TRMT2B: variants seen among roughly 807,000 people sequenced by gnomAD.
TRMT2B encodes the protein tRNA methyltransferase 2B.
Under a neutral mutation model 39.7 loss-of-function variants are expected in TRMT2B, and 34 were observed. The observed-to-expected ratio is 0.86, with a 90% CI of 0.65 to 1.14. The LOEUF is 1.14. TRMT2B is among the 50% of genes most tolerant of loss of function. The pLI is 0.00. For missense variants in TRMT2B, 318 were observed against 377.2 expected, an observed-to-expected ratio of 0.84 and a Z score of 1.30; for synonymous variants, 132 against 137.3, an observed-to-expected ratio of 0.96 and a Z score of 0.27.
At chrX:100,988,665 G>A in the TRMT2B span, 1 of 629,837 alleles carries the variant, frequency 1.6e-6, no homozygotes, top group South Asian at 3.9e-5. Flanking sequence ...TCACTCTATG[G>A]TTGGTGATTA....
the TRMT2B span, chrX:100,990,668 G>A: frequency 1.0e-6 from 1 of 984,761 alleles, no homozygotes; most frequent in Non-Finnish European, 1.4e-6. Flanking sequence ...TTACATCTTT[G>A]TACCGAGATG....
chrX:101,004,349 C>A (rs752325792), downstream of TRMT2B, among the ~76,000 whole-genome samples: 28 of 109,684 alleles, frequency 2.6e-4, no homozygotes, highest in East Asian at 8.6e-4. Context: ...AAAAAAAAAA[C>A]CATATTTTGG....
the TRMT2B span, chrX:100,987,494 T>C: frequency 8.3e-7 from 1 of 1,211,383 alleles, no homozygotes; most frequent in Admixed American, 2.2e-5. Context: ...AACTACCACC[T>C]ACCTCGAGCA....
intron 9 of TRMT2B, among the ~76,000 whole-genome samples, chrX:101,021,717 G>T (rs780468521): frequency 8.9e-6 from 1 of 112,620 alleles, no homozygotes; most frequent in Admixed American, 9.4e-5. Flanking sequence ...GGAGGCCCCA[G>T]CATCTCAGCT....
Position 101,021,097 on chromosome X carries a change from T to C in TRMT2B, c.1066+4A>G. The C allele has an allele frequency of 8.3e-7, 1 of 1,209,293 alleles. No homozygotes were observed. Among genetic ancestry groups the C allele is most frequent in the Non-Finnish European group, 1.1e-6 (1 of 894,166 alleles). ...TGCAGATTCTGCCCTGGGCTTCCACTTGCCAGTTCCACAGCAGATGTCAAG... is the reference window on the plus strand; with the variant it reads ...TGCAGATTCTGCCCTGGGCTTCCACCTGCCAGTTCCACAGCAGATGTCAAG... On this transcript the variant is annotated splice_donor_region_variant and intron_variant, in intron 10 of 13. Coordinates refer to ENST00000372936, the MANE Select transcript of TRMT2B (RefSeq NM_024917.6).
At chrX:100,976,115 G>A in the TRMT2B span, among the ~76,000 whole-genome samples, 2 of 110,024 alleles carry the variant, frequency 1.8e-5, no homozygotes, top group East Asian at 2.8e-4. Context: ...GAAAAATCCA[G>A]GAGCCAGCAA....
intron 2 of TRMT2B, among the ~76,000 whole-genome samples, chrX:101,043,260 T>C (rs1366792840): frequency 2.0e-5 from 2 of 98,871 alleles, no homozygotes; most frequent in African/African-American, 7.3e-5. Context: ...AAGCAGAAAC[T>C]CTGTCTCAAA....
chrX:101,045,140 T>C (rs1186389305), intron 2 of TRMT2B, among the ~76,000 whole-genome samples: 2 of 108,566 alleles, frequency 1.8e-5, no homozygotes, highest in East Asian at 2.9e-4. Context: ...CTGAGCAATA[T>C]AGTGAGACCC....
chrX:100,976,902 C>T, the TRMT2B span, among the ~76,000 whole-genome samples: 1 of 112,530 alleles, frequency 8.9e-6, no homozygotes, highest in South Asian at 3.6e-4. Flanking sequence ...CCAGCTGCTG[C>T]GAATGTTTTT....
At chrX:101,008,369 A>T (rs1017227993), downstream of TRMT2B, among the ~76,000 whole-genome samples, 12 of 112,181 alleles carry the variant, frequency 1.1e-4, no homozygotes, top group African/African-American at 3.9e-4. Context: ...ACTACCATAA[A>T]CCAACACTTT....
At chrX:101,036,719 T>C (rs188168622) in intron 6 of TRMT2B, among the ~76,000 whole-genome samples, 1 of 111,484 alleles carries the variant, frequency 9.0e-6, no homozygotes, top group Non-Finnish European at 1.9e-5. Flanking sequence ...AACGCCAGCA[T>C]TTACTAAGTG....
the TRMT2B span, among the ~76,000 whole-genome samples, chrX:100,992,484 G>A: frequency 1.8e-4 from 20 of 110,850 alleles, no homozygotes; most frequent in East Asian, 2.8e-4. Context: ...GGGAGGCTGC[G>A]GTCGGAGAAT....
chrX:101,035,708 T>C (rs112032918), intron 6 of TRMT2B, 25 bp from the exon 7 acceptor site: 1 of 1,159,138 alleles, frequency 8.6e-7, no homozygotes, highest in Middle Eastern at 2.4e-4. Context: ...ATAATTTGCA[T>C]GGTTTTATTC....
At chrX:101,021,935 A>G (rs757336308) in intron 9 of TRMT2B, 33 bp downstream of exon 9, 16 of 1,059,398 alleles carry the variant, frequency 1.5e-5, no homozygotes, top group Non-Finnish European at 1.3e-6. Flanking sequence ...GAGTCTGGCA[A>G]GCCATCAGCC....
intron 6 of TRMT2B, 73 bp from the exon 7 acceptor site, chrX:101,035,756 A>T: frequency 1.1e-6 from 1 of 926,377 alleles, no homozygotes; most frequent in South Asian, 2.0e-5. Flanking sequence ...TGGCAACTCA[A>T]ATTTCTATCG....
Position 101,051,928 on chromosome X carries a change from T to C in TRMT2B, c.-618A>G, listed in dbSNP as rs2089124097. On this transcript the variant is annotated 5_prime_UTR_variant, in exon 1 of 14. Transcript: ENST00000372936. ...CTCCCGCCGCACGCGCAGCCAACCCTTGGCAAGCGCGGCGGGACACGGGGC... is the reference window on the plus strand; with the variant it reads ...CTCCCGCCGCACGCGCAGCCAACCCCTGGCAAGCGCGGCGGGACACGGGGC... 1 of 124,406 alleles carries C rather than the reference T, an allele frequency of 8.0e-6. No homozygotes were observed. The highest frequency in any genetic ancestry group is 3.2e-5 in the African/African-American group (1 of 31,027). 10.3% of individuals were successfully genotyped at this position (124,406 alleles called of 1,213,427 possible).
chrX:101,046,158 A>AAC (rs1276043427), intron 2 of TRMT2B, among the ~76,000 whole-genome samples: 1 of 109,666 alleles, frequency 9.1e-6, no homozygotes, highest in Non-Finnish European at 1.9e-5. Flanking sequence ...AAAAAAAAAA[A>AAC]AAAAAAATCA....
chrX:100,973,389 G>A, the TRMT2B span, among the ~76,000 whole-genome samples: 1 of 101,141 alleles, frequency 9.9e-6, no homozygotes, highest in African/African-American at 3.6e-5. Context: ...CGGGCCCCGC[G>A]GGGCCCGTCC....
At chrX:100,997,195 T>C in the TRMT2B span, among the ~76,000 whole-genome samples, 21 of 112,121 alleles carry the variant, frequency 1.9e-4, no homozygotes, top group Admixed American at 1.8e-3. Context: ...ACCTGGTTTT[T>C]CTAGAATTAG....
Sources: gnomAD v4.1 joint callset for allele counts (sites outside exome capture counted in the v4.1 genomes callset) on GRCh38, gnomAD v4.1.1 for gene constraint, MANE v1.5 for transcripts, NCBI Gene and HGNC (gene_info 2026-07-23, HGNC 2026-07-21) for gene names.